Variants in ZNF341 observed in about 807,000 individuals in gnomAD.
ZNF341 encodes the protein zinc finger protein 341.
In ZNF341, 52 loss-of-function variants were observed where a neutral mutation model predicts 87.7. The ratio of observed to expected loss-of-function variants is 0.59; its 90% CI spans 0.47 to 0.75. ZNF341 has a LOEUF of 0.75. Ranked by LOEUF, ZNF341 falls within the 30% of genes least tolerant of loss-of-function variation. The pLI is 0.00. For missense variants in ZNF341, 977 were observed against 1,145.9 expected, an observed-to-expected ratio of 0.85 and a Z score of 2.13; for synonymous variants, 459 against 472.7, an observed-to-expected ratio of 0.97 and a Z score of 0.38.
intron 12 of ZNF341, 154 bp from the exon 13 acceptor site, chr20:33,788,709 G>A (rs1482524702): frequency 2.0e-5 from 14 of 705,200 alleles, no homozygotes; most frequent in Middle Eastern, 2.5e-4. Context: ...CTTGTCTCTG[G>A]CAAAACAAAG....
Position 33,732,008 on chromosome 20 carries a change from G to A in ZNF341, c.-14G>A, listed in dbSNP as rs2018570442. On this transcript the variant is annotated 5_prime_UTR_variant, in exon 1 of 15. Coordinates refer to ENST00000375200, the MANE Select transcript of ZNF341 (RefSeq NM_001282933.2). The surrounding 1 kb of genome is among the most constrained non-coding windows in gnomAD (Gnocchi z 4.5). ...GGCTTCGGTTCCTGTGGCGGCGACG[G>A]CGGCGGCTCCAAGATGGCGCAGGCG... The A allele has an allele frequency of 4.2e-6, 6 of 1,435,862 alleles. No homozygotes were observed. In the South Asian group the frequency reaches 5.5e-5, roughly 13 times the overall value. 88.9% of individuals were successfully genotyped at this position (1,435,862 alleles called of 1,614,324 possible).
In ZNF341 at chr20:33,770,119, G is replaced by A. The variant is rs748557858; in HGVS notation, c.1449G>A (p.Thr483=). ...GTGTGGTCAAAAGCTGTGCCCAGACGTTCCCAAAGCTCGACACATTTCTGG... is the reference window on the plus strand; with the variant it reads ...GTGTGGTCAAAAGCTGTGCCCAGACATTCCCAAAGCTCGACACATTTCTGG... ...YKCVVKSCAQ[T]FPKLDTFLEH... The change falls in exon 10 of 15, where the codon ACG becomes ACA. Residue 483 remains threonine, a synonymous_variant. Coordinates refer to ENST00000375200, the MANE Select transcript of ZNF341 (RefSeq NM_001282933.2). 1.1e-5 allele frequency: 18 copies of A among 1,613,928 alleles called. No individual in the cohort carries two copies. The highest frequency in any genetic ancestry group is 2.7e-5 in the African/African-American group (2 of 75,004).
chr20:33,742,863 G>T (rs1202586322), intron 2 of ZNF341, among the ~76,000 whole-genome samples: 1 of 152,124 alleles, frequency 6.6e-6, no homozygotes, highest in Admixed American at 6.6e-5. Flanking sequence ...ATTCCTAGCT[G>T]CAGAGAAGCC....
chr20:33,763,322 A>T (rs2019334922), intron 8 of ZNF341, among the ~76,000 whole-genome samples: 1 of 152,064 alleles, frequency 6.6e-6, no homozygotes, highest in African/African-American at 2.4e-5. Context: ...TTTTTTTGAG[A>T]CAGAGTCTCA....
chr20:33,781,524 A>G (rs933085894), intron 11 of ZNF341, 137 bp downstream of exon 11: 1 of 715,504 alleles, frequency 1.4e-6, no homozygotes, highest in Non-Finnish European at 2.4e-6. Context: ...TGCTCCACAG[A>G]TGACACAGTG....
chr20:33,782,697 C>T lies in ZNF341; in HGVS notation c.1720-1035C>T, dbSNP rs148531921. On this transcript the variant is annotated intron_variant, in intron 11 of 14. Coordinates refer to ENST00000375200, the MANE Select transcript of ZNF341 (RefSeq NM_001282933.2). ...GGGGAAACCAAGGCAGAAAGGTCACCTAGCTGGGAAACGATGGGGCTAATA... is the reference window on the plus strand; with the variant it reads ...GGGGAAACCAAGGCAGAAAGGTCACTTAGCTGGGAAACGATGGGGCTAATA... Among the ~76,000 whole-genome samples, 975 of 152,296 alleles carry T rather than the reference C, an allele frequency of 6.4e-3. 11 individuals carry two copies. Among genetic ancestry groups the T allele is most frequent in the African/African-American group, 0.022 (929 of 41,550 alleles).
chr20:33,748,780 GA>G, intron 3 of ZNF341, 142 bp from the exon 4 acceptor site: 1 of 769,912 alleles, frequency 1.3e-6, no homozygotes, highest in Non-Finnish European at 2.0e-6. Flanking sequence ...ACGTCTGTGG[GA>G]TTCCAGAACC....
chr20:33,736,804 T>C lies in ZNF341; in HGVS notation c.32-4098T>C, dbSNP rs117507072. On this transcript the variant is annotated intron_variant, in intron 1 of 14. Transcript: ENST00000375200. The stretch of plus-strand genomic sequence containing the variant: ...CAATTTTGCATAAAATGGTAGAAGA[T>C]TCACTGAAGCTTGTTCAGGAGAGCT... 2.0e-5 allele frequency among the ~76,000 whole-genome samples: 3 copies of C among 152,326 alleles called. No individual in the cohort carries two copies. In the East Asian group the frequency reaches 5.8e-4, roughly 29 times the overall value.
At chr20:33,752,143 T>C in intron 4 of ZNF341, 1 of 433,742 alleles carries the variant, frequency 2.3e-6, no homozygotes, top group South Asian at 1.7e-5. Context: ...TATAACTTTA[T>C]TTGAGGTATT....
intron 9 of ZNF341, 152 bp from the exon 10 acceptor site, chr20:33,769,932 T>G (rs1407245166): frequency 1.6e-6 from 1 of 616,456 alleles, no homozygotes. Context: ...AATGAATGAA[T>G]AAAAACCCTG....
intron 10 of ZNF341, among the ~76,000 whole-genome samples, chr20:33,771,074 A>T (rs1404516756): frequency 6.6e-6 from 1 of 152,084 alleles, no homozygotes; most frequent in Non-Finnish European, 1.5e-5. Context: ...GTGAGCTGAG[A>T]CCGTGTCACT....
chr20:33,736,592 C>T (rs6057893), intron 1 of ZNF341, among the ~76,000 whole-genome samples: 1,701 of 152,148 alleles, frequency 0.011, 40 homozygotes, highest in African/African-American at 0.039. Flanking sequence ...CAAGTTCAAG[C>T]GATTCTCCTG....
chr20:33,732,373 C>A lies in ZNF341; in HGVS notation c.31+321C>A, dbSNP rs998973899. Among the ~76,000 whole-genome samples, 6 of 151,602 alleles carry A rather than the reference C, an allele frequency of 4.0e-5. No individual in the cohort carries two copies. Among genetic ancestry groups the A allele is most frequent in the Non-Finnish European group, 8.8e-5 (6 of 67,834 alleles). On this transcript the variant is annotated intron_variant, in intron 1 of 14. Coordinates refer to ENST00000375200, the MANE Select transcript of ZNF341 (RefSeq NM_001282933.2). The surrounding 1 kb of genome is among the most constrained non-coding windows in gnomAD (Gnocchi z 4.5). ...AACTGCGCGGGAGGCGACGGCGGGG[C>A]GGTCTGGAACAGCCGCGGCCAGGGA...
intron 10 of ZNF341, among the ~76,000 whole-genome samples, chr20:33,774,116 C>T (rs991585311): frequency 1.1e-3 from 87 of 76,218 alleles, no homozygotes; most frequent in Middle Eastern, 7.1e-3. Context: ...CCTGTCTCTA[C>T]TAAAAAAAAA....
intron 10 of ZNF341, among the ~76,000 whole-genome samples, chr20:33,777,151 CAAAAAAAAAAAAA>C (rs58139073): frequency 2.3e-5 from 1 of 42,962 alleles, no homozygotes. Context: ...CCGTCTTTAC[CAAAAAAAAAAAAA>C]AAAAAAAAAA....
intron 3 of ZNF341, among the ~76,000 whole-genome samples, chr20:33,746,479 G>A (rs903766085): frequency 8.6e-5 from 13 of 151,934 alleles, no homozygotes; most frequent in Admixed American, 6.6e-4. Context: ...TGATCTCCCC[G>A]CCTCGGCCGC....
At chr20:33,779,495 G>A (rs1160281554) in intron 10 of ZNF341, among the ~76,000 whole-genome samples, 1 of 147,506 alleles carries the variant, frequency 6.8e-6, no homozygotes, top group Non-Finnish European at 1.5e-5. Context: ...GTGTCGCCCA[G>A]GCTGGAGTGC....
At position 33,753,407 on chromosome 20, in the gene ZNF341, C is replaced by A. The variant is rs1254832652; in HGVS notation, c.725C>A (p.Pro242His). 1 of 1,602,874 alleles carries A rather than the reference C, an allele frequency of 6.2e-7. No homozygotes were observed. Among genetic ancestry groups the A allele is most frequent in the Admixed American group, 1.7e-5 (1 of 58,264 alleles). ...TVEIQALGMQ[P>H]YPPLEVPNQC... ...GAGATCCAGGCACTGGGGATGCAGC[C>A]CTACCCACCCCTAGAGGTGAGCAGA... The change falls in exon 5 of 15, where the codon CCC (proline) becomes CAC (histidine). Residue 242 changes from proline to histidine, a missense_variant. Physicochemically the swap from Pro to His is moderately conservative, Grantham distance 77. Transcript: ENST00000375200.
chr20:33,734,963 C>T (rs2122621339), intron 1 of ZNF341, among the ~76,000 whole-genome samples: 1 of 152,010 alleles, frequency 6.6e-6, no homozygotes, highest in South Asian at 2.1e-4. Flanking sequence ...ATCTCTGCCT[C>T]CCAAAGTGCT....
Sources: allele counts gnomAD v4.1 joint callset (sites outside exome capture counted in the v4.1 genomes callset), GRCh38; gene constraint gnomAD v4.1.1; non-coding constraint Gnocchi (gnomAD v3.1); transcripts MANE v1.5; gene names NCBI Gene and HGNC (gene_info 2026-07-23, HGNC 2026-07-21).